Variants in SUPT4H1 observed in about 807,000 individuals in gnomAD.
The protein encoded by SUPT4H1 is SPT4 homolog, DSIF elongation factor subunit.
In SUPT4H1, 12 loss-of-function variants were observed where a neutral mutation model predicts 19.4. The observed-to-expected ratio is 0.62, with a 90% CI of 0.40 to 1.00. The LOEUF (loss-of-function observed/expected upper bound fraction) is 1.00. Ranked by LOEUF, SUPT4H1 falls within the 50% of genes least tolerant of loss-of-function variation. SUPT4H1 has a pLI of 0.00. For missense variants in SUPT4H1, 115 were observed against 149.2 expected, an observed-to-expected ratio of 0.77 and a Z score of 1.19; for synonymous variants, 58 against 56.3, an observed-to-expected ratio of 1.03 and a Z score of -0.14.
chr17:58,348,701 AT>A (rs1400867344), intron 2 of SUPT4H1, among the ~76,000 whole-genome samples: 1 of 152,024 alleles, frequency 6.6e-6, no homozygotes, highest in Non-Finnish European at 1.5e-5. Flanking sequence ...CACTCCCTTT[AT>A]TTGGAATGTT....
At chr17:58,351,349 T>C in intron 2 of SUPT4H1, 53 bp downstream of exon 2, 1 of 1,293,286 alleles carries the variant, frequency 7.7e-7, no homozygotes. Flanking sequence ...TTTACTTCTC[T>C]GGGTGCAGGT....
Position 58,347,676 on chromosome 17 carries a change from G to A in SUPT4H1, c.177-92C>T, listed in dbSNP as rs951831121. ...GGAATCTAGGAAAAAGCCAAGTACC[G>A]AGTCTCCACTGGAAAGCTGGCAAAA... On this transcript the variant is annotated intron_variant, in intron 2 of 4. Coordinates refer to ENST00000225504, the MANE Select transcript of SUPT4H1 (RefSeq NM_003168.3). 16 of 1,297,566 alleles carry A rather than the reference G, an allele frequency of 1.2e-5. 1 individual carries two copies. In the South Asian group the frequency reaches 1.4e-4, roughly 12 times the overall value. 80.4% of individuals were successfully genotyped at this position (1,297,566 alleles called of 1,614,324 possible). A position where few individuals can be genotyped will look rare whatever the true frequency, so the allele number is the denominator to read the frequency against.
chr17:58,350,702 G>C (rs559356059), intron 2 of SUPT4H1, among the ~76,000 whole-genome samples: 1 of 151,000 alleles, frequency 6.6e-6, no homozygotes, highest in Non-Finnish European at 1.5e-5. Context: ...TGGGAGTGGT[G>C]GTGGGTGCCT....
chr17:58,352,072 C>G lies in SUPT4H1; in HGVS notation c.64G>C (p.Val22Leu). The change falls in exon 1 of 5, where the codon GTC (valine) becomes CTC (leucine). Residue 22 changes from valine (V) to leucine (L), a missense_variant. Physicochemically the swap from Val to Leu is conservative, Grantham distance 32 (BLOSUM62 1). Transcript: ENST00000225504. ...ACCAGGTCCCCGACTGACACCTTGA[C>G]CAGCGAACACAGCAAACAGGCCCGC... Reference protein sequence around the residue: ...HLRACLLCSLVKTIDQFEYDG... With the variant: ...HLRACLLCSLLKTIDQFEYDG... 1 of 1,614,200 alleles carries G rather than the reference C, an allele frequency of 6.2e-7. No homozygotes were observed. The highest frequency in any genetic ancestry group is 1.1e-5 in the South Asian group (1 of 91,084).
At position 58,352,129 on chromosome 17, in the gene SUPT4H1, G is replaced by C. The variant is rs1425277923; in HGVS notation, c.7C>G (p.Leu3Val). The C allele has an allele frequency of 6.2e-7, 1 of 1,614,172 alleles. No individual in the cohort carries two copies. Among genetic ancestry groups the C allele is most frequent in the South Asian group, 1.1e-5 (1 of 91,088 alleles). The change falls in exon 1 of 5, where the codon CTG (leucine) becomes GTG (valine). Residue 3 changes from leucine to valine, a missense_variant. Transcript: ENST00000225504. The stretch of plus-strand genomic sequence containing the variant: ...CGCAGGTCCTTCGGCACCGTCTCCA[G>C]GGCCATCTTCGCCGATGGGAAGAAC... MA[L>V]ETVPKDLRHL...
At chr17:58,351,915 G>A in intron 1 of SUPT4H1, 152 bp downstream of exon 1, 3 of 767,600 alleles carry the variant, frequency 3.9e-6, no homozygotes, top group Admixed American at 2.4e-5. Flanking sequence ...ATCCTACGAG[G>A]TAAACGATGG....
At chr17:58,349,480 T>C (rs2143312749) in intron 2 of SUPT4H1, among the ~76,000 whole-genome samples, 1 of 152,370 alleles carries the variant, frequency 6.6e-6, no homozygotes, top group South Asian at 2.1e-4. Flanking sequence ...TTTTGGCTTA[T>C]ATTTTCAACT....
At position 58,346,208 on chromosome 17, in the gene SUPT4H1, G is replaced by A. The variant is rs1170500499; in HGVS notation, c.*38C>T. ...CAGAACAAGAAATAAGCAGAGGCAG[G>A]AGGTGGAGAGCAAAGATGCTGGCAG... On this transcript the variant is annotated 3_prime_UTR_variant, in exon 5 of 5. Transcript: ENST00000225504. 1 of 1,542,978 alleles carries A rather than the reference G, an allele frequency of 6.5e-7. No homozygotes were observed. Among genetic ancestry groups the A allele is most frequent in the Admixed American group, 1.7e-5 (1 of 59,902 alleles).
intron 4 of SUPT4H1, 148 bp from the exon 5 acceptor site, chr17:58,346,461 AT>A: frequency 1.6e-6 from 1 of 642,708 alleles, no homozygotes; most frequent in Non-Finnish European, 2.8e-6. Context: ...ACGGTGGCTC[AT>A]GCCTGCAATC....
At chr17:58,347,705 C>A in intron 2 of SUPT4H1, 121 bp from the exon 3 acceptor site, 1 of 942,468 alleles carries the variant, frequency 1.1e-6, no homozygotes, top group Non-Finnish European at 1.7e-6. Context: ...GGCAAAACTG[C>A]CTTCTGATGT....
chr17:58,350,097 G>A (rs1368416030), intron 2 of SUPT4H1, among the ~76,000 whole-genome samples: 13 of 151,700 alleles, frequency 8.6e-5, no homozygotes, highest in Non-Finnish European at 1.9e-4. Flanking sequence ...AGCCTGGCCA[G>A]CATGGCAAAA....
At chr17:58,351,374 G>T in intron 2 of SUPT4H1, 28 bp downstream of exon 2, 2 of 1,522,316 alleles carry the variant, frequency 1.3e-6, no homozygotes, top group Non-Finnish European at 9.1e-7. Flanking sequence ...TAATGCAGAA[G>T]TGAATGATGG....
At chr17:58,350,686 A>AAGCAACAGC (rs1972470132) in intron 2 of SUPT4H1, among the ~76,000 whole-genome samples, 1 of 151,364 alleles carries the variant, frequency 6.6e-6, no homozygotes, top group Admixed American at 6.6e-5. Context: ...AGATATAAAA[A>AAGCAACAGC]TTAGCTGGGA....
intron 4 of SUPT4H1, 133 bp downstream of exon 4, chr17:58,347,055 C>G: frequency 1.2e-6 from 1 of 852,704 alleles, no homozygotes; most frequent in Non-Finnish European, 1.9e-6. Context: ...GTGATTTAAC[C>G]TCTCTGTGCC....
rs1972337150 is a variant in SUPT4H1 at position 58,347,521 on chromosome 17, A to G, written c.232+8T>C. The G allele has an allele frequency of 2.5e-6, 4 of 1,614,192 alleles. No individual in the cohort carries two copies. Among genetic ancestry groups the G allele is most frequent in the Middle Eastern group, 3.3e-4 (2 of 6,062 alleles). ...AACTAAGCCAAAAGGAGACAGGCCAACACTTACTGACTCGCTGCCACTTGG... is the reference window on the plus strand; with the variant it reads ...AACTAAGCCAAAAGGAGACAGGCCAGCACTTACTGACTCGCTGCCACTTGG... On this transcript the variant is annotated splice_region_variant and intron_variant, in intron 3 of 4. Transcript: ENST00000225504.
Position 58,346,306 on chromosome 17 carries a change from C to T in SUPT4H1, c.294G>A (p.Val98=). The change falls in exon 5 of 5, where the codon GTG becomes GTA. Residue 98 remains valine, a synonymous_variant. Coordinates refer to ENST00000225504, the MANE Select transcript of SUPT4H1 (RefSeq NM_003168.3). Reference sequence around the variant, plus strand: ...CCACTCCTCGACTTTTCAGCTCCCGCACGATTCCTGAAGCAGGAAAAGAAA... The same window carrying T: ...CCACTCCTCGACTTTTCAGCTCCCGTACGATTCCTGAAGCAGGAAAAGAAA... ...SVTGRLPQGI[V]RELKSRGVAY... 1.9e-6 allele frequency: 3 copies of T among 1,613,944 alleles called. No homozygotes were observed. Among genetic ancestry groups the T allele is most frequent in the Non-Finnish European group, 2.5e-6 (3 of 1,179,910 alleles).
rs1204585433 is a variant in SUPT4H1 at position 58,346,408 on chromosome 17, CTG to C, written c.287-97_287-96del. ...CCTTGAGGGGGGTACTATAAGCAAA[CTG>C]GAGTTCCTAGACTACTTATCAATCG... On this transcript the variant is annotated intron_variant, in intron 4 of 4. Coordinates refer to ENST00000225504, the MANE Select transcript of SUPT4H1 (RefSeq NM_003168.3). The C allele has an allele frequency of 1.0e-5, 10 of 987,518 alleles. No individual in the cohort carries two copies. In the African/African-American group the frequency reaches 1.6e-4, roughly 16 times the overall value. 61.2% of individuals were successfully genotyped at this position (987,518 alleles called of 1,614,324 possible).
At chr17:58,346,922 T>C (rs1367389069) in intron 4 of SUPT4H1, among the ~76,000 whole-genome samples, 1 of 151,986 alleles carries the variant, frequency 6.6e-6, no homozygotes. Context: ...GAGTCCAGCC[T>C]GGGCAACATA....
Position 58,352,188 on chromosome 17 carries a change from C to A in SUPT4H1, c.-53G>T, listed in dbSNP as rs1236088167. On this transcript the variant is annotated 5_prime_UTR_variant, in exon 1 of 5. Transcript: ENST00000225504. ...GATAGACGACCACAGCCTGTGCACCCGCAGGAAGTAAATAGCTCGTTACCC... is the reference window on the plus strand; with the variant it reads ...GATAGACGACCACAGCCTGTGCACCAGCAGGAAGTAAATAGCTCGTTACCC... 1 of 1,571,134 alleles carries A rather than the reference C, an allele frequency of 6.4e-7. No individual in the cohort carries two copies.
Sources: gnomAD v4.1 joint callset for allele counts (sites outside exome capture counted in the v4.1 genomes callset) on GRCh38, gnomAD v4.1.1 for gene constraint, MANE v1.5 for transcripts, NCBI Gene and HGNC (gene_info 2026-07-23, HGNC 2026-07-21) for gene names.